Variants in DNAJC3 observed in about 807,000 individuals in gnomAD.
DNAJC3 encodes dnaJ homolog subfamily C member 3.
DNAJC3 carries 38 observed loss-of-function variants against 68.6 expected under a neutral mutation model. The observed-to-expected ratio is 0.55, with a 90% CI of 0.43 to 0.73. The LOEUF is 0.73. Among genes scored for constraint, DNAJC3 ranks in the 30% least tolerant of loss-of-function variants. DNAJC3 has a pLI of 0.00. For missense variants in DNAJC3, 526 were observed against 591.9 expected (o/e 0.89, Z 1.16); for synonymous variants, 203 against 204.0 (o/e 1.00, Z 0.04).
At chr13:95,740,606 C>T (rs1197458424) in intron 4 of DNAJC3, among the ~76,000 whole-genome samples, 2 of 152,126 alleles carry the variant, frequency 1.3e-5, no homozygotes, top group African/African-American at 4.8e-5. Context: ...TTCTTTGACT[C>T]AGAAAGGGAA....
intron 4 of DNAJC3, among the ~76,000 whole-genome samples, chr13:95,737,855 C>T (rs1304060743): frequency 2.5e-5 from 3 of 119,242 alleles, no homozygotes; most frequent in African/African-American, 6.9e-5. Flanking sequence ...TATTTCTTGC[C>T]TTCTGCTAGC....
intron 4 of DNAJC3, among the ~76,000 whole-genome samples, chr13:95,728,455 G>C (rs948385001): frequency 6.6e-6 from 1 of 152,048 alleles, no homozygotes; most frequent in Non-Finnish European, 1.5e-5. Flanking sequence ...GTGCTTATTT[G>C]CCATCTGTAA....
At chr13:95,736,827 A>G (rs1298967916) in intron 4 of DNAJC3, among the ~76,000 whole-genome samples, 6 of 147,256 alleles carry the variant, frequency 4.1e-5, no homozygotes, top group Middle Eastern at 3.4e-3. Flanking sequence ...TCTCCTGCCT[A>G]ATTGCCCTGG....
In DNAJC3 at chr13:95,786,004, G is replaced by C. The variant is rs1399834065; in HGVS notation, c.1141G>C (p.Glu381Gln). The C allele has an allele frequency of 1.9e-6, 3 of 1,612,382 alleles. No homozygotes were observed. Among genetic ancestry groups the C allele is most frequent in the South Asian group, 1.1e-5 (1 of 90,536 alleles). The stretch of plus-strand genomic sequence containing the variant: ...TGATCAGCAGATTCGAGAAGGTCTA[G>C]AGAAAGCACAAAGATTATTGAAACA... ...ENDQQIREGL[E>Q]KAQRLLKQSQ... Residue 381 changes from glutamate (E) to glutamine (Q), a missense_variant, in exon 10 of 12, where the codon GAG (glutamate) becomes CAG (glutamine). Coordinates refer to ENST00000602402, the MANE Select transcript of DNAJC3 (RefSeq NM_006260.5).
chr13:95,689,332 T>C (rs1880166183), intron 1 of DNAJC3, among the ~76,000 whole-genome samples: 1 of 151,612 alleles, frequency 6.6e-6, no homozygotes, highest in Non-Finnish European at 1.5e-5. Context: ...TCTTGGGAGG[T>C]TGTATGTTTC....
chr13:95,702,396 A>G (rs935696329), intron 1 of DNAJC3, among the ~76,000 whole-genome samples: 3 of 152,232 alleles, frequency 2.0e-5, no homozygotes, highest in Admixed American at 1.3e-4. Context: ...CTTTGTGCAC[A>G]TATTTGAATA....
At chr13:95,777,392 A>T (rs76390548) in intron 9 of DNAJC3, among the ~76,000 whole-genome samples, 3,153 of 152,108 alleles carry the variant, frequency 0.021, 108 homozygotes, top group African/African-American at 0.072. Flanking sequence ...TTCAGTCTAG[A>T]TCCATCTTTC....
chr13:95,703,207 CT>C (rs1291133316), intron 1 of DNAJC3, among the ~76,000 whole-genome samples: 2 of 152,118 alleles, frequency 1.3e-5, no homozygotes, highest in Non-Finnish European at 2.9e-5. Context: ...TTAAAGACAC[CT>C]TACTATGTAT....
At chr13:95,695,097 A>G (rs1471368593) in intron 1 of DNAJC3, 2 of 152,182 alleles carry the variant, frequency 1.3e-5, no homozygotes, top group African/African-American at 4.8e-5. Context: ...CCACTATTGC[A>G]TGACTTTTCA....
intron 7 of DNAJC3, 41 bp downstream of exon 7, chr13:95,760,839 G>A: frequency 1.3e-6 from 2 of 1,592,670 alleles, no homozygotes; most frequent in East Asian, 2.3e-5. Flanking sequence ...CATTCCTTAT[G>A]TGCGGGGCTG....
intron 2 of DNAJC3, among the ~76,000 whole-genome samples, chr13:95,717,860 T>C (rs1053464052): frequency 6.6e-6 from 1 of 152,222 alleles, no homozygotes; most frequent in African/African-American, 2.4e-5. Flanking sequence ...GTCTTGGGTA[T>C]GTCTTCATCA....
At chr13:95,790,649 T>TATTA (rs17883334) in intron 11 of DNAJC3, among the ~76,000 whole-genome samples, 11,448 of 152,002 alleles carry the variant, frequency 0.075, 1,278 homozygotes, top group African/African-American at 0.25. Context: ...AATAAATACC[T>TATTA]ATTATCAACC....
In DNAJC3 at chr13:95,677,151, G is replaced by T; in HGVS notation, c.-105G>T. Reference sequence around the variant, plus strand: ...TCTGCTGGGCTCCAGAGCCACTGAGGCCTGAGCGAGAGCCGACGGCGGGCG... The same window carrying T: ...TCTGCTGGGCTCCAGAGCCACTGAGTCCTGAGCGAGAGCCGACGGCGGGCG... On this transcript the variant is annotated 5_prime_UTR_variant, in exon 1 of 12. Transcript: ENST00000602402. 9.8e-7 allele frequency: 1 copy of T among 1,019,586 alleles called. No individual in the cohort carries two copies. Among genetic ancestry groups the T allele is most frequent in the Non-Finnish European group, 1.4e-6 (1 of 703,272 alleles). 63.2% of individuals were successfully genotyped at this position (1,019,586 alleles called of 1,614,324 possible). A position where few individuals can be genotyped will look rare whatever the true frequency, so the allele number is the denominator to read the frequency against.
intron 1 of DNAJC3, among the ~76,000 whole-genome samples, chr13:95,697,328 G>C (rs1017202050): frequency 1.3e-5 from 2 of 152,018 alleles, no homozygotes; most frequent in African/African-American, 4.8e-5. Context: ...TTTTTTGTTC[G>C]TTTGTTTTTG....
intron 9 of DNAJC3, among the ~76,000 whole-genome samples, chr13:95,771,029 A>G (rs940401801): frequency 2.0e-5 from 3 of 152,206 alleles, no homozygotes; most frequent in Non-Finnish European, 4.4e-5. Context: ...CCATACAGAT[A>G]CTGAAGTTAA....
intron 4 of DNAJC3, among the ~76,000 whole-genome samples, chr13:95,756,912 TG>T (rs1882680090): frequency 6.6e-6 from 1 of 152,100 alleles, no homozygotes; most frequent in Admixed American, 6.6e-5. Context: ...GGGATCTTAC[TG>T]GGGTGATGGA....
intron 9 of DNAJC3, among the ~76,000 whole-genome samples, chr13:95,785,452 C>CTT (rs36052714): frequency 0.075 from 5,824 of 78,042 alleles, 364 homozygotes; most frequent in East Asian, 0.12. Flanking sequence ...CCTTTTAAAC[C>CTT]TTTTTTTTTT....
At chr13:95,739,149 G>T (rs953822630) in intron 4 of DNAJC3, among the ~76,000 whole-genome samples, 1 of 151,992 alleles carries the variant, frequency 6.6e-6, no homozygotes, top group Non-Finnish European at 1.5e-5. Flanking sequence ...TTGAATATTG[G>T]CCCCCACTCT....
chr13:95,708,551 T>C (rs1390327356), intron 1 of DNAJC3, among the ~76,000 whole-genome samples: 1 of 152,162 alleles, frequency 6.6e-6, no homozygotes, highest in African/African-American at 2.4e-5. Flanking sequence ...GCTATTTTCC[T>C]AGCTGTCTGC....
Sources: gnomAD v4.1 joint callset for allele counts (sites outside exome capture counted in the v4.1 genomes callset) on GRCh38, gnomAD v4.1.1 for gene constraint, MANE v1.5 for transcripts, NCBI Gene and HGNC (gene_info 2026-07-23, HGNC 2026-07-21) for gene names.